Variants in BSN observed in about 807,000 individuals in gnomAD.
The protein encoded by BSN is protein bassoon.
A neutral mutation model predicts 264.8 loss-of-function variants in BSN; 57 were observed. The observed-to-expected ratio is 0.22, with a 90% CI of 0.17 to 0.27. BSN has a LOEUF of 0.27. Ranked by LOEUF, BSN falls within the 10% of genes least tolerant of loss-of-function variation. The pLI is 1.00. For missense variants in BSN, 4,615 were observed against 5,232.5 expected, an observed-to-expected ratio of 0.88 and a Z score of 3.64; for synonymous variants, 2,059 against 2,137.3, an observed-to-expected ratio of 0.96 and a Z score of 1.01.
In BSN at chr3:49,654,814, A is replaced by T. The variant is rs770504575; in HGVS notation, c.5258A>T (p.Asp1753Val). Residue 1753 changes from aspartate (D) to valine (V), a missense_variant, in exon 5 of 12, where the codon GAC becomes GTC. Asp to Val is a radical substitution (Grantham distance 152). This residue lies in a region of BSN where 3,415 missense variants were observed against 3,866.4 expected (regional missense o/e 0.88). Coordinates refer to ENST00000296452, the MANE Select transcript of BSN (RefSeq NM_003458.4). The surrounding 1 kb of genome is among the most constrained non-coding windows in gnomAD (Gnocchi z 4.1). ...AQQKQPVVYG[D>V]PYQSRLDFGQ... Reference sequence around the variant, plus strand: ...CAAAAGCAGCCTGTGGTCTATGGAGACCCCTACCAGAGCCGCCTTGACTTT... The same window carrying T: ...CAAAAGCAGCCTGTGGTCTATGGAGTCCCCTACCAGAGCCGCCTTGACTTT... 2 of 1,613,072 alleles carry T rather than the reference A, an allele frequency of 1.2e-6. No homozygotes were observed. Among genetic ancestry groups the T allele is most frequent in the Non-Finnish European group, 1.7e-6 (2 of 1,179,856 alleles).
chr3:49,637,709 T>A (rs1873626), intron 2 of BSN, among the ~76,000 whole-genome samples: 77,737 of 152,038 alleles, frequency 0.51, 21,214 homozygotes, highest in East Asian at 0.94. Context: ...GGGTCCTATG[T>A]TTCCAAGTCC....
chr3:49,581,601 G>A (rs560304160), intron 1 of BSN, among the ~76,000 whole-genome samples: 46 of 152,156 alleles, frequency 3.0e-4, no homozygotes, highest in Admixed American at 2.2e-3. Context: ...CGAGGTGGGC[G>A]GATCACAAAG....
In BSN at chr3:49,663,590, C is replaced by A. The variant is rs759893234; in HGVS notation, c.11432C>A (p.Ala3811Asp). The change falls in exon 7 of 12, where the codon GCC (alanine) becomes GAC (aspartate). Residue 3811 changes from alanine (A) to aspartate (D), a missense_variant. Physicochemically the swap from Ala to Asp is moderately radical, Grantham distance 126 (BLOSUM62 -2). Around this residue, in one of 3 missense-constraint regions of BSN, gnomAD observed 3,415 missense variants for 3,866.4 expected, o/e 0.88. Transcript: ENST00000296452. ...AGCCAGCCAACCACCCGGGGCTCAG[C>A]CCCTGCTGCCAGCCAGCCTGCAGGG... ...QQSQPTTRGSAPAASQPAGKP... is the reference protein window; with the variant it reads ...QQSQPTTRGSDPAASQPAGKP... The A allele has an allele frequency of 2.5e-6, 4 of 1,606,438 alleles. No individual in the cohort carries two copies. Among genetic ancestry groups the A allele is most frequent in the Non-Finnish European group, 2.5e-6 (3 of 1,177,452 alleles).
chr3:49,672,015 G>A (rs2052777166), downstream of BSN, among the ~76,000 whole-genome samples: 1 of 134,178 alleles, frequency 7.5e-6, no homozygotes. Context: ...GTCACCCAGA[G>A]TTGCTAGACC....
intron 1 of BSN, among the ~76,000 whole-genome samples, chr3:49,568,294 T>C (rs749910049): frequency 6.6e-6 from 1 of 152,176 alleles, no homozygotes; most frequent in Non-Finnish European, 1.5e-5. Context: ...CAGAAATCGA[T>C]GGAAAGTAAA....
At chr3:49,610,584 C>CAAAAAAAAAAAAAA in intron 1 of BSN, among the ~76,000 whole-genome samples, 1 of 71,206 alleles carries the variant, frequency 1.4e-5, no homozygotes, top group Non-Finnish European at 2.4e-5. Context: ...AATTTCATCT[C>CAAAAAAAAAAAAAA]AAAAAAAAAA....
At chr3:49,596,124 G>C (rs574442964) in intron 1 of BSN, among the ~76,000 whole-genome samples, 2 of 152,160 alleles carry the variant, frequency 1.3e-5, no homozygotes, top group Non-Finnish European at 2.9e-5. Context: ...AATGGTGGCA[G>C]CTGGATGTGG....
intron 1 of BSN, among the ~76,000 whole-genome samples, chr3:49,570,797 C>T (rs1324706473): frequency 1.3e-5 from 2 of 152,210 alleles, no homozygotes; most frequent in Non-Finnish European, 1.5e-5. Context: ...CTTCCAGGCT[C>T]ACTCCTCTGA....
At chr3:49,564,434 C>T (rs1186256500) in intron 1 of BSN, among the ~76,000 whole-genome samples, 4 of 152,212 alleles carry the variant, frequency 2.6e-5, no homozygotes, top group Non-Finnish European at 5.9e-5. Context: ...CCTTTCCAAC[C>T]TAGTGAGACT....
At chr3:49,637,198 G>T (rs954766432) in intron 2 of BSN, among the ~76,000 whole-genome samples, 4 of 152,218 alleles carry the variant, frequency 2.6e-5, no homozygotes, top group African/African-American at 9.7e-5. Context: ...GCTCTCCACA[G>T]GAAGAAGGCT....
intron 1 of BSN, among the ~76,000 whole-genome samples, chr3:49,617,808 G>T (rs554249694): frequency 6.6e-6 from 1 of 152,122 alleles, no homozygotes; most frequent in Non-Finnish European, 1.5e-5. Context: ...CTCCTGCCAC[G>T]GTGGGCCCTT....
chr3:49,556,057 T>C (rs2051668332), intron 1 of BSN, among the ~76,000 whole-genome samples: 1 of 152,194 alleles, frequency 6.6e-6, no homozygotes, highest in Admixed American at 6.5e-5. Context: ...ATACTAGCTA[T>C]AATAGTAATG....
chr3:49,648,401 C>A (rs943679569), intron 3 of BSN, among the ~76,000 whole-genome samples: 1 of 152,242 alleles, frequency 6.6e-6, no homozygotes, highest in East Asian at 1.9e-4. Flanking sequence ...AGATCCTAAA[C>A]CCATCATGCT....
chr3:49,568,605 C>T (rs1463137057), intron 1 of BSN, among the ~76,000 whole-genome samples: 1 of 152,164 alleles, frequency 6.6e-6, no homozygotes, highest in Non-Finnish European at 1.5e-5. Context: ...TGTAATCAAT[C>T]TTGAAGATCA....
intron 1 of BSN, among the ~76,000 whole-genome samples, chr3:49,605,652 AT>A (rs1288442084): frequency 2.3e-5 from 1 of 43,338 alleles, no homozygotes; most frequent in African/African-American, 9.6e-5. Context: ...TGTAATATAT[AT>A]TATATATAAT....
At chr3:49,611,651 G>A (rs1185670844) in intron 1 of BSN, among the ~76,000 whole-genome samples, 1 of 152,196 alleles carries the variant, frequency 6.6e-6, no homozygotes, top group African/African-American at 2.4e-5. Context: ...GCCTAGTAGG[G>A]GAACACATGG....
At chr3:49,622,044 TAG>T (rs1230410116) in intron 1 of BSN, among the ~76,000 whole-genome samples, 3 of 151,880 alleles carry the variant, frequency 2.0e-5, no homozygotes, top group African/African-American at 7.3e-5. Flanking sequence ...AATGATCCAA[TAG>T]AGAGGGGGAA....
At chr3:49,580,674 G>A (rs2051889633) in intron 1 of BSN, among the ~76,000 whole-genome samples, 1 of 152,060 alleles carries the variant, frequency 6.6e-6, no homozygotes, top group South Asian at 2.1e-4. Context: ...GTCTAGACTG[G>A]TCTCGAGCTA....
intron 1 of BSN, among the ~76,000 whole-genome samples, chr3:49,607,473 C>T (rs2052163599): frequency 6.6e-6 from 1 of 152,206 alleles, no homozygotes; most frequent in African/African-American, 2.4e-5. Flanking sequence ...ACTCATTAGT[C>T]AGTGGCTAGC....
Sources: gnomAD v4.1 joint callset for allele counts (sites outside exome capture counted in the v4.1 genomes callset) on GRCh38, gnomAD v4.1.1 for gene constraint, gnomAD v4.1.1 regional missense constraint, Gnocchi (gnomAD v3.1) non-coding constraint, MANE v1.5 for transcripts, NCBI Gene and HGNC (gene_info 2026-07-23, HGNC 2026-07-21) for gene names.